Variants in CLDN5 observed in about 807,000 individuals in gnomAD.
The protein encoded by CLDN5 is claudin 5, also known as claudin-5.
CLDN5 carries 4 observed loss-of-function variants against 1.3 expected under a neutral mutation model. The ratio of observed to expected loss-of-function variants is 3.07; its 90% CI spans 1.51 to 7.03. CLDN5 has a LOEUF of 7.03. Among genes scored for constraint, CLDN5 ranks in the 30% most tolerant of loss-of-function variants. The pLI is 0.00. For synonymous variants in CLDN5, 156 were observed against 152.3 expected (o/e 1.02, Z -0.18); for missense variants, 225 against 303.5 (o/e 0.74, Z 1.92).
In CLDN5 at chr22:19,523,532, C is replaced by A. The variant is rs756654; in HGVS notation, c.*67G>T. The A allele has an allele frequency of 0.14, 204,842 of 1,484,968 alleles. 15,172 individuals are homozygous for A. Among genetic ancestry groups the A allele is most frequent in the East Asian group, 0.31 (13,185 of 42,228 alleles). The allele number at this position is 1,484,968 out of a possible 1,614,324, so 92.0% of individuals were successfully genotyped here. A position where few individuals can be genotyped will look rare whatever the true frequency, so the allele number is the denominator to read the frequency against. On this transcript the variant is annotated 3_prime_UTR_variant, in exon 1 of 1. Transcript: ENST00000618236. Reference sequence around the variant, plus strand: ...GGCGGAAGCCGCGGTCCATGCGGGGCTCCCCAGGCTTATCCAACGCCTCGC... The same window carrying A: ...GGCGGAAGCCGCGGTCCATGCGGGGATCCCCAGGCTTATCCAACGCCTCGC...
At chr22:19,524,454 T>G (rs1345920412), upstream of CLDN5, 5 of 1,434,756 alleles carry the variant, frequency 3.5e-6, no homozygotes, top group Non-Finnish European at 4.6e-6. Context: ...CGGGGGCGGA[T>G]TCTGTCCCCC....
At position 19,524,310 on chromosome 22, in the gene CLDN5, C is replaced by T; in HGVS notation, c.-55G>A. Reference sequence around the variant, plus strand: ...CCGCAGAACCCCCAAGGCCGTGCTGCGCGGCGCCCTGGGCGGGCCCTGGTG... The same window carrying T: ...CCGCAGAACCCCCAAGGCCGTGCTGTGCGGCGCCCTGGGCGGGCCCTGGTG... On this transcript the variant is annotated 5_prime_UTR_variant, in exon 1 of 1. Coordinates refer to ENST00000618236, the MANE Select transcript of CLDN5 (RefSeq NM_001363066.2). The T allele has an allele frequency of 1.3e-6, 2 of 1,523,580 alleles. No individual in the cohort carries two copies. The highest frequency in any genetic ancestry group is 1.8e-6 in the Non-Finnish European group (2 of 1,134,376). 94.4% of individuals were successfully genotyped at this position (1,523,580 alleles called of 1,614,324 possible). A position where few individuals can be genotyped will look rare whatever the true frequency, so the allele number is the denominator to read the frequency against.
upstream of CLDN5, chr22:19,525,239 T>G (rs1873096636): frequency 1.0e-6 from 1 of 1,000,258 alleles, no homozygotes; most frequent in Admixed American, 6.1e-5. Flanking sequence ...TGACACCACT[T>G]CAGGAAGTTC....
chr22:19,523,743 G>C lies in CLDN5; in HGVS notation c.513C>G (p.Thr171=), dbSNP rs533778709. The change falls in exon 1 of 1, where the codon ACC becomes ACG. Residue 171 remains threonine, a synonymous_variant. Coordinates refer to ENST00000618236, the MANE Select transcript of CLDN5 (RefSeq NM_001363066.2). ...GAALYIGWAA[T]ALLMVGGCLL... is the part of the protein sequence containing the mutation. ...GGCAGCCGCCTACCATGAGCAGCGCGGTGGCCGCCCAGCCGATGTACAGCG... is the reference window on the plus strand; with the variant it reads ...GGCAGCCGCCTACCATGAGCAGCGCCGTGGCCGCCCAGCCGATGTACAGCG... 3.1e-6 allele frequency: 5 copies of C among 1,605,034 alleles called. No homozygotes were observed. The highest frequency in any genetic ancestry group is 1.6e-4 in the Middle Eastern group (1 of 6,076).
rs190795861 is a variant in CLDN5 at position 19,523,347 on chromosome 22, A to G, written c.*252T>C. The G allele has an allele frequency of 9.7e-6, 5 of 517,000 alleles. No homozygotes were observed. The highest frequency in any genetic ancestry group is 3.4e-5 in the East Asian group (1 of 29,118). 32.0% of individuals were successfully genotyped at this position (517,000 alleles called of 1,614,324 possible). A position where few individuals can be genotyped will look rare whatever the true frequency, so the allele number is the denominator to read the frequency against. On this transcript the variant is annotated 3_prime_UTR_variant, in exon 1 of 1. Coordinates refer to ENST00000618236, the MANE Select transcript of CLDN5 (RefSeq NM_001363066.2). ...TGACACCCGCTCTGCCTATGGAAAC[A>G]GCGCCGCGCACAGAAAAGGAAACTT...
upstream of CLDN5, chr22:19,524,989 G>C: frequency 6.0e-6 from 6 of 1,006,098 alleles, no homozygotes; most frequent in South Asian, 2.8e-4. Context: ...ATGGCAAACA[G>C]AGAGGCCAGG....
At chr22:19,524,512 G>A, upstream of CLDN5, 1 of 1,412,378 alleles carries the variant, frequency 7.1e-7, no homozygotes. Flanking sequence ...GCGGGTCATC[G>A]TGCCGCAGCC....
Position 19,523,650 on chromosome 22 carries a change from C to T in CLDN5, c.606G>A (p.Ala202=). The T allele has an allele frequency of 6.2e-7, 1 of 1,605,264 alleles. No homozygotes were observed. Among genetic ancestry groups the T allele is most frequent in the East Asian group, 2.2e-5 (1 of 44,812 alleles). The change falls in exon 1 of 1, where the codon GCG becomes GCA. Residue 202 remains alanine (A), a synonymous_variant. Transcript: ENST00000618236. ...CGCCGGTGGCCGTGGGCCGCCGCGG[C>T]GCTGAGTACTTCACGGGGAAGCTGA... ...PDLSFPVKYS[A]PRRPTATGDY...
At chr22:19,524,957 C>T (rs1003136632), upstream of CLDN5, 2 of 1,016,662 alleles carry the variant, frequency 2.0e-6, no homozygotes, top group Non-Finnish European at 2.4e-6. Flanking sequence ...GCTCTGAGTC[C>T]CAGCACTGTC....
chr22:19,524,184 C>T lies in CLDN5; in HGVS notation c.72G>A (p.Ala24=). Residue 24 remains alanine, a synonymous_variant, in exon 1 of 1, where the codon GCG becomes GCA. Coordinates refer to ENST00000618236, the MANE Select transcript of CLDN5 (RefSeq NM_001363066.2). ...TCACCTGCCACATGGGCAGCCCGCA[C>T]GCCAGGATCAGACCCCCCCAGCCCA... ...CLVGWGGLIL[A]CGLPMWQVTA... is the part of the protein sequence containing the mutation. 1.2e-6 allele frequency: 2 copies of T among 1,609,890 alleles called. No individual in the cohort carries two copies. The highest frequency in any genetic ancestry group is 1.7e-6 in the Non-Finnish European group (2 of 1,178,572).
At position 19,523,557 on chromosome 22, in the gene CLDN5, C is replaced by T; in HGVS notation, c.*42G>A. 1 of 1,519,394 alleles carries T rather than the reference C, an allele frequency of 6.6e-7. No individual in the cohort carries two copies. The highest frequency in any genetic ancestry group is 8.8e-7 in the Non-Finnish European group (1 of 1,141,580). The allele number at this position is 1,519,394 out of a possible 1,614,324, so 94.1% of individuals were successfully genotyped here. On this transcript the variant is annotated 3_prime_UTR_variant, in exon 1 of 1. Transcript: ENST00000618236. ...CTCCCCAGGCTTATCCAACGCCTCG[C>T]AGGCGTGGCTGGCAGGAGGGGCCCG...
chr22:19,524,594 G>T (rs1934191662), upstream of CLDN5: 13 of 1,332,362 alleles, frequency 9.8e-6, no homozygotes, highest in Admixed American at 3.9e-5. Flanking sequence ...GCGCGGGACC[G>T]CTCCCCGCCC....
At chr22:19,524,596 T>A, upstream of CLDN5, 5 of 1,312,780 alleles carry the variant, frequency 3.8e-6, no homozygotes, top group African/African-American at 4.6e-5. Flanking sequence ...GCGGGACCGC[T>A]CCCCGCCCGG....
At position 19,523,976 on chromosome 22, in the gene CLDN5, C is replaced by T. The variant is rs778324400; in HGVS notation, c.280G>A (p.Ala94Thr). The change falls in exon 1 of 1, where the codon GCG (alanine) becomes ACG (threonine). Residue 94 changes from alanine (A) to threonine (T), a missense_variant. Ala to Thr is a moderately conservative substitution (Grantham distance 58). Transcript: ENST00000618236. ...GCGCCCGCCAGGGTCACGAAGAGCG[C>T]AACGAACGCCAGCAGCACGGCGCTC... Reference protein sequence around the residue: ...TVSAVLLAFVALFVTLAGAQC... With the variant: ...TVSAVLLAFVTLFVTLAGAQC... 2 of 1,587,642 alleles carry T rather than the reference C, an allele frequency of 1.3e-6. No individual in the cohort carries two copies. Among genetic ancestry groups the T allele is most frequent in the Non-Finnish European group, 1.7e-6 (2 of 1,173,090 alleles).
chr22:19,525,051 C>T, upstream of CLDN5: 1 of 1,001,850 alleles, frequency 1.0e-6, no homozygotes, highest in Non-Finnish European at 1.2e-6. Flanking sequence ...CCATGCCACT[C>T]ACTGCCTCTC....
In CLDN5 at chr22:19,524,002, AC is replaced by A; in HGVS notation, c.253del (p.Val85Ter). On this transcript the variant is annotated frameshift_variant, in exon 1 of 1. Transcript: ENST00000618236. LOFTEE classifies it low-confidence loss of function (END_TRUNC). ...AACGAACGCCAGCAGCACGGCGCTC[AC>A]GGTGAGCGCCCGCGCCGCCTGCACC... The part of the protein sequence containing the change: ...TEVQAARALT[V>X]SAVLLAFVAL... 1.3e-6 allele frequency: 2 copies of A among 1,590,864 alleles called. No homozygotes were observed. The highest frequency in any genetic ancestry group is 1.7e-6 in the Non-Finnish European group (2 of 1,174,834).
Position 19,523,654 on chromosome 22 carries a change from G to T in CLDN5, c.602C>A (p.Ser201Ter). The T allele has an allele frequency of 6.2e-7, 1 of 1,606,140 alleles. No individual in the cohort carries two copies. The highest frequency in any genetic ancestry group is 1.1e-5 in the South Asian group (1 of 90,980). Residue 201 changes from serine (S) to a stop codon, truncating the protein, a stop_gained, in exon 1 of 1, where the codon TCA becomes TAA. Transcript: ENST00000618236. LOFTEE classifies it high-confidence loss of function. ...GGTGGCCGTGGGCCGCCGCGGCGCTGAGTACTTCACGGGGAAGCTGAGGTC... is the reference window on the plus strand; with the variant it reads ...GGTGGCCGTGGGCCGCCGCGGCGCTTAGTACTTCACGGGGAAGCTGAGGTC... ...RPDLSFPVKY[S>*]APRRPTATGD...
upstream of CLDN5, chr22:19,525,228 G>A: frequency 2.0e-6 from 2 of 1,000,504 alleles, no homozygotes; most frequent in Non-Finnish European, 2.4e-6. Context: ...CCCAGTTCAG[G>A]TGACACCACT....
In CLDN5 at chr22:19,523,604, C is replaced by T; in HGVS notation, c.652G>A (p.Val218Ile). ...CCCGGCCGTGCCCAGCGCCCTCAGACGTAGTTCTTCTTGTCGTAGTCGCCG... is the reference window on the plus strand; with the variant it reads ...CCCGGCCGTGCCCAGCGCCCTCAGATGTAGTTCTTCTTGTCGTAGTCGCCG... ...ATGDYDKKNY[V>I] The change falls in exon 1 of 1, where the codon GTC (valine) becomes ATC (isoleucine). Residue 218 changes from valine (V) to isoleucine (I), a missense_variant. By Grantham distance (29) the Val-to-Ile change is conservative (BLOSUM62 3). This residue lies in a region of CLDN5 where 165 missense variants were observed against 211.9 expected (regional missense o/e 0.78). Coordinates refer to ENST00000618236, the MANE Select transcript of CLDN5 (RefSeq NM_001363066.2). 6.3e-7 allele frequency: 1 copy of T among 1,590,422 alleles called. No individual in the cohort carries two copies. The highest frequency in any genetic ancestry group is 8.5e-7 in the Non-Finnish European group (1 of 1,171,558).
Sources: allele counts gnomAD v4.1 joint callset, GRCh38; gene constraint gnomAD v4.1.1; regional missense constraint gnomAD v4.1.1; transcripts MANE v1.5; gene names NCBI Gene and HGNC (gene_info 2026-07-23, HGNC 2026-07-21).